PCDH10: variants seen among roughly 807,000 people sequenced by gnomAD.
The protein encoded by PCDH10 is protocadherin-10.
A neutral mutation model predicts 74.4 loss-of-function variants in PCDH10; 15 were observed. The observed-to-expected ratio is 0.20, with a 90% CI of 0.13 to 0.31. PCDH10 has a LOEUF of 0.31. Among genes scored for constraint, PCDH10 ranks in the 10% least tolerant of loss-of-function variants. The probability of loss-of-function intolerance (pLI) is 1.00; values close to 1 mark genes in which losing one functional copy is unlikely to be tolerated. For synonymous variants in PCDH10, 619 were observed against 589.8 expected (o/e 1.05, Z -0.72); for missense variants, 1,260 against 1,390.2 (o/e 0.91, Z 1.49).
At chr4:133,154,057 A>G (rs982958599) in intron 1 of PCDH10, among the ~76,000 whole-genome samples, 5 of 152,158 alleles carry the variant, frequency 3.3e-5, no homozygotes, top group African/African-American at 1.2e-4. Context: ...TCTTTAAAAA[A>G]CACACACACA....
chr4:133,196,327 T>A (rs1226843312), downstream of PCDH10, among the ~76,000 whole-genome samples: 2 of 152,136 alleles, frequency 1.3e-5, no homozygotes, highest in African/African-American at 4.8e-5. Context: ...GAGTACTGAT[T>A]GGAGGGTTCA....
In PCDH10 at chr4:133,191,170, GA is replaced by G; in HGVS notation, c.*1017del. On this transcript the variant is annotated 3_prime_UTR_variant, in exon 5 of 5. Transcript: ENST00000264360. ...ATAAATTCACCTGTATTTGTTGTTA[GA>G]AAAAAACTGGGTGTCTGTACATTTT... 1 of 152,288 alleles carries G rather than the reference GA, an allele frequency of 6.6e-6. No homozygotes were observed. The highest frequency in any genetic ancestry group is 2.1e-4 in the South Asian group (1 of 4,822). The allele number at this position is 152,288 out of a possible 1,614,324, so 9.4% of individuals were successfully genotyped here.
rs951815563 is a variant in PCDH10 at position 133,150,040 on chromosome 4, T to G, written c.-101T>G. 1.0e-5 allele frequency: 15 copies of G among 1,443,524 alleles called. No individual in the cohort carries two copies. The African/African-American group carries it at 2.1e-4, about 21-fold the overall frequency. The allele number at this position is 1,443,524 out of a possible 1,614,324, so 89.4% of individuals were successfully genotyped here. A position where few individuals can be genotyped will look rare whatever the true frequency, so the allele number is the denominator to read the frequency against. On this transcript the variant is annotated 5_prime_UTR_variant, in exon 1 of 5. Transcript: ENST00000264360. ...CCACAGGAGCCCCCACGTAGCGCAC[T>G]TTTATTTGTATTTTTTCAGATTTTT...
chr4:133,187,062 T>C (rs1296318778), intron 4 of PCDH10, among the ~76,000 whole-genome samples: 2 of 152,094 alleles, frequency 1.3e-5, no homozygotes, highest in Non-Finnish European at 2.9e-5. Flanking sequence ...CGTAGAAGGT[T>C]TGAAATAAAG....
intron 3 of PCDH10, among the ~76,000 whole-genome samples, chr4:133,156,992 ATGTGT>A (rs576481370): frequency 2.0e-5 from 3 of 152,374 alleles, no homozygotes; most frequent in African/African-American, 7.2e-5. Flanking sequence ...AAATGTTAAA[ATGTGT>A]TGTGGAAAAC....
At position 133,150,802 on chromosome 4, in the gene PCDH10, G is replaced by A. The variant is rs770859228; in HGVS notation, c.662G>A (p.Gly221Glu). The A allele has an allele frequency of 6.3e-7, 1 of 1,580,804 alleles. No homozygotes were observed. The highest frequency in any genetic ancestry group is 8.6e-7 in the Non-Finnish European group (1 of 1,164,056). ...GVGEGGGGGGGAGLPPQQQRT... is the reference protein window; with the variant it reads ...GVGEGGGGGGEAGLPPQQQRT... ...GGAGAAGGAGGGGGAGGTGGCGGGG[G>A]AGCAGGCCTGCCCCCCCAGCAGCAG... Residue 221 changes from glycine (G) to glutamate (E), a missense_variant, in exon 1 of 5, where the codon GGA becomes GAA. Transcript: ENST00000264360.
At chr4:133,198,715 C>T (rs964039270), downstream of PCDH10, among the ~76,000 whole-genome samples, 1 of 152,086 alleles carries the variant, frequency 6.6e-6, no homozygotes, top group African/African-American at 2.4e-5. Context: ...ACTGGCATAG[C>T]TTTTTATCAA....
intron 4 of PCDH10, among the ~76,000 whole-genome samples, chr4:133,176,092 T>A (rs1727289691): frequency 6.6e-6 from 1 of 152,200 alleles, no homozygotes; most frequent in Admixed American, 6.6e-5. Flanking sequence ...TTTGACTTTA[T>A]TATAACTTGT....
intron 1 of PCDH10, chr4:133,153,363 C>G (rs1039856608): frequency 1.7e-6 from 1 of 601,740 alleles, no homozygotes; most frequent in African/African-American, 2.0e-5. Context: ...CATTTACAGA[C>G]GCTCTTGAAG....
intron 4 of PCDH10, among the ~76,000 whole-genome samples, chr4:133,176,525 A>G (rs1313303094): frequency 6.6e-6 from 1 of 152,174 alleles, no homozygotes; most frequent in East Asian, 1.9e-4. Flanking sequence ...CTGGGCTTAA[A>G]TAGAACTAAT....
At position 133,192,985 on chromosome 4, in the gene PCDH10, C is replaced by T. The variant is rs950792531; in HGVS notation, c.*2825C>T. On this transcript the variant is annotated 3_prime_UTR_variant, in exon 5 of 5. Coordinates refer to ENST00000264360, the MANE Select transcript of PCDH10 (RefSeq NM_032961.3). Reference sequence around the variant, plus strand: ...ATATACATCAAAGAATAATATCCATCGTATTAGACAGTATTTCGTCAATAA... The same window carrying T: ...ATATACATCAAAGAATAATATCCATTGTATTAGACAGTATTTCGTCAATAA... 1.1e-4 allele frequency: 16 copies of T among 151,062 alleles called. No individual in the cohort carries two copies. The South Asian group carries it at 2.5e-3, about 23-fold the overall frequency. 9.4% of individuals were successfully genotyped at this position (151,062 alleles called of 1,614,324 possible). A position where few individuals can be genotyped will look rare whatever the true frequency, so the allele number is the denominator to read the frequency against.
chr4:133,174,012 A>G (rs1190643443), intron 4 of PCDH10, among the ~76,000 whole-genome samples: 2 of 151,974 alleles, frequency 1.3e-5, no homozygotes, highest in African/African-American at 4.8e-5. Context: ...TTTACTCTAG[A>G]TGAAAAATAT....
chr4:133,183,919 T>A (rs1727472461), intron 4 of PCDH10, among the ~76,000 whole-genome samples: 1 of 152,204 alleles, frequency 6.6e-6, no homozygotes, highest in Admixed American at 6.6e-5. Context: ...CATTCATTGA[T>A]GTATATTTCT....
chr4:133,173,709 A>G (rs1727240750), intron 4 of PCDH10, among the ~76,000 whole-genome samples: 1 of 147,020 alleles, frequency 6.8e-6, no homozygotes, highest in Admixed American at 7.0e-5. Flanking sequence ...TTTTTAGAGG[A>G]AAAAGATTTA....
At position 133,190,258 on chromosome 4, in the gene PCDH10, G is replaced by C; in HGVS notation, c.*98G>C. ...CTTCATTATCTTGGCCATCCAGTTA[G>C]TCATGTGTAACTGAGTATTAGATTT... On this transcript the variant is annotated 3_prime_UTR_variant, in exon 5 of 5. Coordinates refer to ENST00000264360, the MANE Select transcript of PCDH10 (RefSeq NM_032961.3). 2.8e-6 allele frequency: 3 copies of C among 1,056,894 alleles called. No individual in the cohort carries two copies. The highest frequency in any genetic ancestry group is 3.0e-6 in the Non-Finnish European group (2 of 674,456). 65.5% of individuals were successfully genotyped at this position (1,056,894 alleles called of 1,614,324 possible). A position where few individuals can be genotyped will look rare whatever the true frequency, so the allele number is the denominator to read the frequency against.
downstream of PCDH10, among the ~76,000 whole-genome samples, chr4:133,198,835 A>C (rs1309618241): frequency 1.3e-5 from 2 of 152,178 alleles, no homozygotes; most frequent in African/African-American, 4.8e-5. Context: ...AAGGTATATT[A>C]GGTGATTTTT....
intron 4 of PCDH10, among the ~76,000 whole-genome samples, chr4:133,179,879 A>C (rs1303175913): frequency 6.6e-6 from 1 of 152,022 alleles, no homozygotes; most frequent in Non-Finnish European, 1.5e-5. Flanking sequence ...TGAGGTGCAA[A>C]TCTTTTTTCT....
rs531985485 is a variant in PCDH10, at chr4:133,157,626, A to T, written c.2797+2603A>T. On this transcript the variant is annotated intron_variant, in intron 3 of 4. Transcript: ENST00000264360. ...AACATTGGAAAGATAGAGACTCCGAATTCTCTCTTTCAGTTTGTACCATAT... is the reference window on the plus strand; with the variant it reads ...AACATTGGAAAGATAGAGACTCCGATTTCTCTCTTTCAGTTTGTACCATAT... Among the ~76,000 whole-genome samples the T allele has an allele frequency of 3.9e-5, 6 of 152,234 alleles. No individual in the cohort carries two copies. The South Asian group carries it at 1.2e-3, about 32-fold the overall frequency.
In PCDH10 at chr4:133,149,882, C is replaced by G. The variant is rs1726611320; in HGVS notation, c.-259C>G. On this transcript the variant is annotated 5_prime_UTR_variant, in exon 1 of 5. Coordinates refer to ENST00000264360, the MANE Select transcript of PCDH10 (RefSeq NM_032961.3). ...TATTATTGTTATTTTATTAATTAGTCAGTGGAAAGATTACAGATGAGGAAA... is the reference window on the plus strand; with the variant it reads ...TATTATTGTTATTTTATTAATTAGTGAGTGGAAAGATTACAGATGAGGAAA... 2.7e-6 allele frequency: 1 copy of G among 370,320 alleles called. No homozygotes were observed. Among genetic ancestry groups the G allele is most frequent in the South Asian group, 9.0e-5 (1 of 11,124 alleles). 22.9% of individuals were successfully genotyped at this position (370,320 alleles called of 1,614,324 possible).
Sources: gnomAD v4.1 joint callset for allele counts (sites outside exome capture counted in the v4.1 genomes callset) on GRCh38, gnomAD v4.1.1 for gene constraint, MANE v1.5 for transcripts, NCBI Gene and HGNC (gene_info 2026-07-23, HGNC 2026-07-21) for gene names.